Variants in CCBE1 observed in about 807,000 individuals in gnomAD.
CCBE1 encodes collagen and calcium binding EGF domains 1.
CCBE1 carries 37 observed loss-of-function variants against 50.0 expected under a neutral mutation model. That is an observed-to-expected ratio of 0.74 (90% CI 0.57 to 0.97). The LOEUF (loss-of-function observed/expected upper bound fraction) is 0.97, where lower values mean the gene tolerates loss of function less well. CCBE1 is among the 50% of genes least tolerant of loss of function. The pLI, the probability that CCBE1 is intolerant of heterozygous loss-of-function variation, is 0.00. For synonymous variants in CCBE1, 234 were observed against 203.7 expected (o/e 1.15, Z -1.27); for missense variants, 538 against 523.8 (o/e 1.03, Z -0.26).
At chr18:59,571,370 C>T (rs577051036) in intron 2 of CCBE1, among the ~76,000 whole-genome samples, 1 of 151,440 alleles carries the variant, frequency 6.6e-6, no homozygotes, top group South Asian at 2.1e-4. Context: ...AGCACACTAT[C>T]GCAAGGACAG....
At chr18:59,442,535 G>A (rs1382421519) in intron 7 of CCBE1, among the ~76,000 whole-genome samples, 4 of 151,874 alleles carry the variant, frequency 2.6e-5, no homozygotes, top group Non-Finnish European at 4.4e-5. Context: ...TGAGACCAGC[G>A]TGGCCAACAC....
chr18:59,454,407 G>C (rs1408625096), intron 6 of CCBE1, among the ~76,000 whole-genome samples: 1 of 152,070 alleles, frequency 6.6e-6, no homozygotes, highest in Non-Finnish European at 1.5e-5. Context: ...ACCACACCCA[G>C]CTAATTTTTG....
chr18:59,697,478 G>T, upstream of CCBE1: 1 of 1,150,978 alleles, frequency 8.7e-7, no homozygotes, highest in South Asian at 1.6e-5. Flanking sequence ...ACCTGCACGG[G>T]GAGCAGGGGT....
Position 59,503,972 on chromosome 18 carries a change from C to T in CCBE1, c.213-23734G>A, listed in dbSNP as rs151172838. Among the ~76,000 whole-genome samples, 151 of 152,238 alleles carry T rather than the reference C, an allele frequency of 9.9e-4. 2 individuals carry two copies. Among genetic ancestry groups the T allele is most frequent in the Admixed American group, 3.7e-3 (57 of 15,284 alleles). The stretch of plus-strand genomic sequence containing the variant: ...TGTTTACGTGTTTGTCTTTCCATCC[C>T]GGCTGTGAACTCCTAGAAGGCAGGA... On this transcript the variant is annotated intron_variant, in intron 2 of 10. Coordinates refer to ENST00000439986, the MANE Select transcript of CCBE1 (RefSeq NM_133459.4).
chr18:59,628,334 G>A (rs1372980855), intron 2 of CCBE1, among the ~76,000 whole-genome samples: 1 of 152,116 alleles, frequency 6.6e-6, no homozygotes, highest in Non-Finnish European at 1.5e-5. Context: ...AAATAATAAG[G>A]AGAATATGCT....
chr18:59,506,184 G>C (rs1180150336), intron 2 of CCBE1, among the ~76,000 whole-genome samples: 2 of 152,206 alleles, frequency 1.3e-5, no homozygotes, highest in Non-Finnish European at 2.9e-5. Context: ...CAGAGACATG[G>C]AGAAGGTGGT....
chr18:59,465,245 C>T (rs1005660926), intron 5 of CCBE1, among the ~76,000 whole-genome samples: 4 of 152,232 alleles, frequency 2.6e-5, no homozygotes, highest in Non-Finnish European at 5.9e-5. Context: ...GGGACCAGAG[C>T]TGCTTCACAC....
At chr18:59,521,049 C>T (rs1914577403) in intron 2 of CCBE1, among the ~76,000 whole-genome samples, 1 of 152,170 alleles carries the variant, frequency 6.6e-6, no homozygotes, top group African/African-American at 2.4e-5. Context: ...TCCATCTGTC[C>T]TCATCCCTCA....
In CCBE1 at chr18:59,439,757, G is replaced by A; in HGVS notation, c.835C>T (p.Pro279Ser). The A allele has an allele frequency of 6.2e-7, 1 of 1,614,176 alleles. No individual in the cohort carries two copies. Among genetic ancestry groups the A allele is most frequent in the South Asian group, 1.1e-5 (1 of 91,082 alleles). ...GGTCCCATTGAGCCCCGTGGGCCGGGCTGCCCAGGAGGGCCTGGCATACCG... is the reference window on the plus strand; with the variant it reads ...GGTCCCATTGAGCCCCGTGGGCCGGACTGCCCAGGAGGGCCTGGCATACCG... ...FPGMPGPPGQ[P>S]GPRGSMGPMG... Residue 279 changes from proline (P) to serine (S), a missense_variant, in exon 8 of 11, where the codon CCC (proline) becomes TCC (serine). Transcript: ENST00000439986.
chr18:59,523,480 G>A (rs192782853), intron 2 of CCBE1, among the ~76,000 whole-genome samples: 1 of 152,090 alleles, frequency 6.6e-6, no homozygotes, highest in East Asian at 1.9e-4. Flanking sequence ...CTCAAGATGT[G>A]AAGTTAAATT....
At chr18:59,488,113 A>G (rs775255675) in intron 2 of CCBE1, among the ~76,000 whole-genome samples, 4 of 152,214 alleles carry the variant, frequency 2.6e-5, no homozygotes, top group Non-Finnish European at 5.9e-5. Context: ...GCATGATTCC[A>G]CTTATACGAG....
At chr18:59,517,473 T>C (rs1313368960) in intron 2 of CCBE1, among the ~76,000 whole-genome samples, 1 of 152,186 alleles carries the variant, frequency 6.6e-6, no homozygotes, top group Non-Finnish European at 1.5e-5. Flanking sequence ...ATTCATTTAG[T>C]AACATATAAA....
At chr18:59,661,013 TTTTG>T (rs2054277065) in intron 2 of CCBE1, among the ~76,000 whole-genome samples, 1 of 152,030 alleles carries the variant, frequency 6.6e-6, no homozygotes, top group Non-Finnish European at 1.5e-5. Flanking sequence ...TTTTTTTTGT[TTTTG>T]TTTTTTAAAA....
intron 2 of CCBE1, among the ~76,000 whole-genome samples, chr18:59,651,617 G>A (rs1232179904): frequency 1.3e-5 from 2 of 152,182 alleles, no homozygotes; most frequent in Non-Finnish European, 2.9e-5. Flanking sequence ...TGATTGACAG[G>A]GAATGAGTTA....
chr18:59,542,003 C>A (rs1160693606), intron 2 of CCBE1, among the ~76,000 whole-genome samples: 2 of 151,906 alleles, frequency 1.3e-5, no homozygotes, highest in Non-Finnish European at 2.9e-5. Flanking sequence ...ATGGTGAGAC[C>A]CTGTTTTACA....
At chr18:59,544,845 G>T (rs1300375170) in intron 2 of CCBE1, among the ~76,000 whole-genome samples, 1 of 152,202 alleles carries the variant, frequency 6.6e-6, no homozygotes, top group Non-Finnish European at 1.5e-5. Context: ...CTATATTAGT[G>T]TTAGGGAATG....
chr18:59,457,732 T>C (rs764046709), intron 5 of CCBE1, among the ~76,000 whole-genome samples: 7 of 152,194 alleles, frequency 4.6e-5, no homozygotes, highest in Non-Finnish European at 8.8e-5. Flanking sequence ...AATGGAGTTG[T>C]CCTGAAATTA....
At chr18:59,475,819 G>T (rs1395510965) in intron 3 of CCBE1, among the ~76,000 whole-genome samples, 2 of 152,192 alleles carry the variant, frequency 1.3e-5, no homozygotes, top group African/African-American at 4.8e-5. Flanking sequence ...CCTGGTTCAA[G>T]CAATTCTCCC....
At chr18:59,668,389 C>T (rs1350213919) in intron 2 of CCBE1, among the ~76,000 whole-genome samples, 1 of 150,708 alleles carries the variant, frequency 6.6e-6, no homozygotes, top group Non-Finnish European at 1.5e-5. Flanking sequence ...TGCACTCCAG[C>T]CTGGGCGACA....
Sources: allele counts gnomAD v4.1 joint callset (sites outside exome capture counted in the v4.1 genomes callset), GRCh38; gene constraint gnomAD v4.1.1; transcripts MANE v1.5; gene names NCBI Gene and HGNC (gene_info 2026-07-23, HGNC 2026-07-21).